The following ANKS1B variants were observed in gnomAD, a reference collection of about 807,000 sequenced individuals.
The protein encoded by ANKS1B is ankyrin repeat and sterile alpha motif domain containing 1B, also known as ankyrin repeat and sterile alpha motif domain-containing protein 1B.
Under a neutral mutation model 148.3 loss-of-function variants are expected in ANKS1B, and 36 were observed. The observed-to-expected ratio is 0.24, with a 90% CI of 0.19 to 0.32. The LOEUF (loss-of-function observed/expected upper bound fraction) is 0.32, where lower values mean the gene tolerates loss of function less well. ANKS1B is among the 10% of genes least tolerant of loss of function. The pLI is 1.00. For synonymous variants in ANKS1B, 542 were observed against 560.8 expected, an observed-to-expected ratio of 0.97 and a Z score of 0.47; for missense variants, 1,157 against 1,542.6, an observed-to-expected ratio of 0.75 and a Z score of 4.19.
intron 12 of ANKS1B, among the ~76,000 whole-genome samples, chr12:99,249,406 T>C (rs945814379): frequency 3.9e-5 from 6 of 152,196 alleles, no homozygotes; most frequent in Admixed American, 3.3e-4. Context: ...CACCCCACAA[T>C]GCTTTACACT....
At chr12:99,060,281 C>T (rs2041959832) in intron 16 of ANKS1B, among the ~76,000 whole-genome samples, 1 of 151,884 alleles carries the variant, frequency 6.6e-6, no homozygotes, top group Admixed American at 6.6e-5. Flanking sequence ...CATACTTGGC[C>T]TCAGAGAGAG....
chr12:99,148,175 TA>T (rs1601050952), intron 15 of ANKS1B, among the ~76,000 whole-genome samples: 1 of 152,242 alleles, frequency 6.6e-6, no homozygotes, highest in East Asian at 1.9e-4. Context: ...ATTCATGAGG[TA>T]AATTTCTCAT....
chr12:99,156,166 T>C (rs974895444), intron 14 of ANKS1B, among the ~76,000 whole-genome samples: 5 of 152,114 alleles, frequency 3.3e-5, no homozygotes, highest in African/African-American at 1.2e-4. Context: ...TCAAAACATC[T>C]TCTACTCCTC....
chr12:99,479,306 T>C (rs577931312), intron 10 of ANKS1B, among the ~76,000 whole-genome samples: 1 of 152,192 alleles, frequency 6.6e-6, no homozygotes, highest in South Asian at 2.1e-4. Context: ...TATAACCATT[T>C]CAACTTTAAA....
intron 15 of ANKS1B, among the ~76,000 whole-genome samples, chr12:99,085,726 A>G (rs1481924962): frequency 6.6e-6 from 1 of 152,192 alleles, no homozygotes; most frequent in Admixed American, 6.5e-5. Context: ...ACATGGATGG[A>G]GCTGGAGGTC....
intron 4 of ANKS1B, among the ~76,000 whole-genome samples, chr12:99,783,304 C>T (rs2064573500): frequency 6.6e-6 from 1 of 152,016 alleles, no homozygotes; most frequent in South Asian, 2.1e-4. Context: ...AGAACACTTA[C>T]ATTAACCTAG....
chr12:99,984,739 G>T lies in ANKS1B; in HGVS notation c.-502C>A, dbSNP rs933747916. On this transcript the variant is annotated 5_prime_UTR_variant, in exon 1 of 27. Transcript: ENST00000683438. ...CGGCTTCCTCGGCGGTTACGCGGGG[G>T]CGGCGTCCGCGGCGGGGAGGAGCGC... 3 of 150,424 alleles carry T rather than the reference G, an allele frequency of 2.0e-5. No homozygotes were observed. Among genetic ancestry groups the T allele is most frequent in the Admixed American group, 1.3e-4 (2 of 14,938 alleles). The allele number at this position is 150,424 out of a possible 1,614,324, so 9.3% of individuals were successfully genotyped here.
At chr12:99,617,614 AACATCACAC>A (rs1346633754) in intron 9 of ANKS1B, among the ~76,000 whole-genome samples, 1 of 152,082 alleles carries the variant, frequency 6.6e-6, no homozygotes, top group East Asian at 1.9e-4. Flanking sequence ...TGGGGAGGGG[AACATCACAC>A]ACTGGGGCCT....
chr12:99,126,350 G>A (rs1227278362), intron 15 of ANKS1B, among the ~76,000 whole-genome samples: 2 of 152,172 alleles, frequency 1.3e-5, no homozygotes, highest in African/African-American at 4.8e-5. Context: ...AAGAAAGGGG[G>A]TAGGGTAGTC....
chr12:99,417,446 C>T (rs1426418053), intron 11 of ANKS1B, among the ~76,000 whole-genome samples: 1 of 152,196 alleles, frequency 6.6e-6, no homozygotes, highest in African/African-American at 2.4e-5. Context: ...GTCTTAAGTA[C>T]TGTAGCTATA....
chr12:99,084,824 T>C, intron 16 of ANKS1B, 101 bp downstream of exon 16: 1 of 835,416 alleles, frequency 1.2e-6, no homozygotes, highest in Non-Finnish European at 1.9e-6. Context: ...GTTGCATCAA[T>C]ATGTAGAACT....
At chr12:99,037,050 A>G (rs1434089498) in intron 17 of ANKS1B, among the ~76,000 whole-genome samples, 3 of 152,220 alleles carry the variant, frequency 2.0e-5, no homozygotes. Context: ...ATAGAGTGGA[A>G]CAAAGTAGAT....
At chr12:98,802,915 T>C (rs1265432762) in intron 20 of ANKS1B, among the ~76,000 whole-genome samples, 1 of 152,142 alleles carries the variant, frequency 6.6e-6, no homozygotes, top group Non-Finnish European at 1.5e-5. Context: ...TTTTGTTACA[T>C]GTATATTGTC....
chr12:99,964,897 T>C (rs1017646891), intron 1 of ANKS1B, among the ~76,000 whole-genome samples: 1 of 152,046 alleles, frequency 6.6e-6, no homozygotes, highest in Non-Finnish European at 1.5e-5. Context: ...GAGGGGACGA[T>C]AGTGGAGAGG....
intron 15 of ANKS1B, among the ~76,000 whole-genome samples, chr12:99,152,457 T>G (rs747123019): frequency 1.2e-4 from 18 of 152,178 alleles, no homozygotes; most frequent in Non-Finnish European, 2.1e-4. Flanking sequence ...ATCATGTATA[T>G]CCAGGATTTT....
At chr12:99,187,132 T>C (rs1197534203) in intron 14 of ANKS1B, among the ~76,000 whole-genome samples, 1 of 150,806 alleles carries the variant, frequency 6.6e-6, no homozygotes, top group Non-Finnish European at 1.5e-5. Context: ...AAGACAAGAT[T>C]AGAGAACAAA....
intron 15 of ANKS1B, among the ~76,000 whole-genome samples, chr12:99,114,555 C>T (rs1435702730): frequency 6.6e-6 from 1 of 152,034 alleles, no homozygotes; most frequent in Non-Finnish European, 1.5e-5. Flanking sequence ...AGTTTGAGAC[C>T]AGCTTGGCCA....
At chr12:98,979,861 AT>A (rs990523567) in intron 17 of ANKS1B, among the ~76,000 whole-genome samples, 5 of 152,198 alleles carry the variant, frequency 3.3e-5, no homozygotes, top group Admixed American at 1.3e-4. Flanking sequence ...TCCCCCATCC[AT>A]TTTTTAATGT....
chr12:99,877,255 T>C (rs1438442832), intron 1 of ANKS1B, among the ~76,000 whole-genome samples: 1 of 152,238 alleles, frequency 6.6e-6, no homozygotes, highest in Non-Finnish European at 1.5e-5. Context: ...TTGATTTGCA[T>C]GTACTTGATT....
Sources: allele counts gnomAD v4.1 joint callset (sites outside exome capture counted in the v4.1 genomes callset), GRCh38; gene constraint gnomAD v4.1.1; transcripts MANE v1.5; gene names NCBI Gene and HGNC (gene_info 2026-07-23, HGNC 2026-07-21).